The following RFX1 variants were observed in gnomAD, a reference collection of about 807,000 sequenced individuals.
RFX1 encodes MHC class II regulatory factor RFX1.
Under a neutral mutation model 119.6 loss-of-function variants are expected in RFX1, and 42 were observed. The observed-to-expected ratio is 0.35, with a 90% CI of 0.27 to 0.45. The LOEUF (loss-of-function observed/expected upper bound fraction) is 0.45, where lower values mean the gene tolerates loss of function less well. Among genes scored for constraint, RFX1 ranks in the 20% least tolerant of loss-of-function variants. The pLI, the probability that RFX1 is intolerant of heterozygous loss-of-function variation, is 1.00. For synonymous variants in RFX1, 628 were observed against 618.5 expected, an observed-to-expected ratio of 1.02 and a Z score of -0.23; for missense variants, 1,118 against 1,368.1, an observed-to-expected ratio of 0.82 and a Z score of 2.88.
In RFX1 at chr19:13,963,032, T is replaced by C. The variant is rs746451025; in HGVS notation, c.2732A>G (p.Asn911Ser). 20 of 1,560,378 alleles carry C rather than the reference T, an allele frequency of 1.3e-5. No homozygotes were observed. The highest frequency in any genetic ancestry group is 2.3e-5 in the South Asian group (2 of 85,704). The change falls in exon 20 of 21, where the codon AAT becomes AGT. Residue 911 changes from asparagine to serine, a missense_variant. Transcript: ENST00000254325. ...CAGGGGGTTCAGGGAGGTGGCCAGA[T>C]TGGCGAACTGGAGGAAGAAGAGAAG... Reference protein sequence around the residue: ...TPIAVMGEFANLATSLNPLDP... With the variant: ...TPIAVMGEFASLATSLNPLDP...
intron 2 of RFX1, among the ~76,000 whole-genome samples, chr19:13,989,253 G>C (rs1480224330): frequency 1.3e-5 from 2 of 152,128 alleles, no homozygotes; most frequent in African/African-American, 4.8e-5. Context: ...GGCTGGACCA[G>C]GTATGTGAGG....
rs1599513620 is a variant in RFX1 at position 13,993,638 on chromosome 19, C to T, written c.206G>A (p.Gly69Asp). 2.5e-6 allele frequency: 4 copies of T among 1,606,402 alleles called. No individual in the cohort carries two copies. The highest frequency in any genetic ancestry group is 4.5e-5 in the East Asian group (2 of 44,584). ...CTCCGTCACGTACTGCTTCTGGCCA[C>T]CCGGTGGCTGTGCCTGGGGCTGGGG... is the stretch of plus-strand genomic sequence containing the variant. Reference protein sequence around the residue: ...QSPQPQAQPPGGQKQYVTELP... With the variant: ...QSPQPQAQPPDGQKQYVTELP... The change falls in exon 2 of 21, where the codon GGT becomes GAT. Residue 69 changes from glycine (G) to aspartate (D), a missense_variant. Gly to Asp is a moderately conservative substitution (Grantham distance 94). Transcript: ENST00000254325.
At chr19:13,996,664 T>C (rs1025991854) in intron 1 of RFX1, among the ~76,000 whole-genome samples, 1 of 151,110 alleles carries the variant, frequency 6.6e-6, no homozygotes, top group African/African-American at 2.4e-5. Context: ...GACCCCCAGA[T>C]ACATTCTGTC....
At chr19:13,967,257 G>A (rs1294951471) in intron 12 of RFX1, among the ~76,000 whole-genome samples, 3 of 152,200 alleles carry the variant, frequency 2.0e-5, no homozygotes, top group African/African-American at 7.2e-5. Context: ...CAGGATCAAG[G>A]ATGTGTGGCT....
At chr19:13,994,895 T>TACATACATAC in intron 1 of RFX1, among the ~76,000 whole-genome samples, 1 of 11,872 alleles carries the variant, frequency 8.4e-5, no homozygotes, top group African/African-American at 3.2e-4. Flanking sequence ...TATACATACA[T>TACATACATAC]ATATATATAT....
At chr19:14,004,354 G>A (rs542227398) in intron 1 of RFX1, among the ~76,000 whole-genome samples, 24 of 152,204 alleles carry the variant, frequency 1.6e-4, no homozygotes, top group East Asian at 5.8e-4. Flanking sequence ...CTAAAAATAC[G>A]AAAATCAGCC....
In RFX1 at chr19:13,972,866, C is replaced by T. The variant is rs1191186719; in HGVS notation, c.1191G>A (p.Gly397=). ...GGGGGGGGGG[G]GGSGSTGGGG... ...CGCCTCCGGTGCTGCCACTGCCACCCCCGCCACCGCCTCCCCCGCCGCCGC... is the reference window on the plus strand; with the variant it reads ...CGCCTCCGGTGCTGCCACTGCCACCTCCGCCACCGCCTCCCCCGCCGCCGC... Residue 397 remains glycine (G), a synonymous_variant, in exon 9 of 21, where the codon GGG becomes GGA. Coordinates refer to ENST00000254325, the MANE Select transcript of RFX1 (RefSeq NM_002918.5). The T allele has an allele frequency of 6.4e-7, 1 of 1,556,012 alleles. No homozygotes were observed. Among genetic ancestry groups the T allele is most frequent in the East Asian group, 2.4e-5 (1 of 41,598 alleles).
At chr19:13,963,382 G>A in intron 18 of RFX1, 107 bp from the exon 19 acceptor site, 1 of 1,457,470 alleles carries the variant, frequency 6.9e-7, no homozygotes, top group South Asian at 1.3e-5. Flanking sequence ...AGTGACTCAG[G>A]CTGGATCCCG....
intron 1 of RFX1, among the ~76,000 whole-genome samples, chr19:14,002,805 G>A (rs1410612136): frequency 6.6e-6 from 1 of 152,198 alleles, no homozygotes; most frequent in East Asian, 1.9e-4. Flanking sequence ...CTGCGGGCGG[G>A]GCAGCCTGGC....
rs1358255042 is a variant in RFX1 at position 13,980,211 on chromosome 19, G to A, written c.738+362C>T. ...TGCAGAGGCTGGGTGTGGATTTGGGGGCTGGGTCCCCTCCCTGAAATCCTC... is the reference window on the plus strand; with the variant it reads ...TGCAGAGGCTGGGTGTGGATTTGGGAGCTGGGTCCCCTCCCTGAAATCCTC... On this transcript the variant is annotated intron_variant, in intron 6 of 20. Transcript: ENST00000254325. This position sits in a 1 kb window ranked among gnomAD's most constrained non-coding sequence, Gnocchi z 5.1. Among the ~76,000 whole-genome samples, 1 of 152,082 alleles carries A rather than the reference G, an allele frequency of 6.6e-6. No homozygotes were observed. Among genetic ancestry groups the A allele is most frequent in the East Asian group, 1.9e-4 (1 of 5,186 alleles).
At chr19:13,978,273 G>C (rs997774791) in intron 7 of RFX1, among the ~76,000 whole-genome samples, 187 bp from the exon 8 acceptor site, 1 of 151,950 alleles carries the variant, frequency 6.6e-6, no homozygotes, top group East Asian at 1.9e-4. Flanking sequence ...GCTGTGTCAG[G>C]AGAAGCCAGG....
In RFX1 at chr19:13,968,605, C is replaced by T. The variant is rs774252249; in HGVS notation, c.1692G>A (p.Ser564=). The stretch of plus-strand genomic sequence containing the variant: ...ACTGCTGCACCTGGGCGCTGATGTC[C>T]GACAGCCCCGTGCTCGGCTGCTGCC... The part of the protein sequence containing the change: ...AVGQQPSTGL[S]DISAQVQQYQ... Residue 564 remains serine, a synonymous_variant, in exon 12 of 21, where the codon TCG becomes TCA. Coordinates refer to ENST00000254325, the MANE Select transcript of RFX1 (RefSeq NM_002918.5). The surrounding 1 kb of genome is among the most constrained non-coding windows in gnomAD (Gnocchi z 5.5). The T allele has an allele frequency of 1.7e-5, 27 of 1,613,306 alleles. No homozygotes were observed. Among genetic ancestry groups the T allele is most frequent in the Non-Finnish European group, 2.1e-5 (25 of 1,179,974 alleles).
chr19:13,992,558 C>T (rs1009285637), intron 2 of RFX1, among the ~76,000 whole-genome samples: 16 of 152,216 alleles, frequency 1.1e-4, no homozygotes, highest in Admixed American at 6.5e-5. Context: ...AACAGGGCGG[C>T]TGCTCTAGGA....
In RFX1 at chr19:13,986,678, C is replaced by T. The variant is rs183957356; in HGVS notation, c.320-3083G>A. Among the ~76,000 whole-genome samples, 17 of 152,288 alleles carry T rather than the reference C, an allele frequency of 1.1e-4. No homozygotes were observed. Among genetic ancestry groups the T allele is most frequent in the Admixed American group, 7.2e-4 (11 of 15,304 alleles). The stretch of plus-strand genomic sequence containing the variant: ...AGGCCCCCACTGTCTCAGGAAACGG[C>T]GGCCGATTTCCTGTCTCTGAATCTG... On this transcript the variant is annotated intron_variant, in intron 2 of 20. Transcript: ENST00000254325. The surrounding 1 kb of genome is among the most constrained non-coding windows in gnomAD (Gnocchi z 4.2).
At chr19:13,993,159 G>A (rs1250237281) in intron 2 of RFX1, among the ~76,000 whole-genome samples, 1 of 152,100 alleles carries the variant, frequency 6.6e-6, no homozygotes, top group Non-Finnish European at 1.5e-5. Flanking sequence ...GCCAGGCATG[G>A]TGGTGGGCAC....
chr19:14,004,507 CA>C (rs373244400), intron 1 of RFX1, among the ~76,000 whole-genome samples: 4 of 146,184 alleles, frequency 2.7e-5, no homozygotes, highest in Non-Finnish European at 3.0e-5. Context: ...ACTCCGTCTC[CA>C]AAAAAAAAAG....
chr19:13,995,195 G>A (rs1423905580), intron 1 of RFX1, among the ~76,000 whole-genome samples: 1 of 151,852 alleles, frequency 6.6e-6, no homozygotes, highest in Non-Finnish European at 1.5e-5. Context: ...TGGTGGCAGG[G>A]CTGCATTTGA....
chr19:13,972,625 T>C (rs539867007), intron 9 of RFX1, 118 bp downstream of exon 9: 77 of 719,850 alleles, frequency 1.1e-4, no homozygotes, highest in Admixed American at 9.5e-4. Flanking sequence ...GTTCTCTTCA[T>C]TGGGGGCCAC....
chr19:13,966,494 G>A lies in RFX1; in HGVS notation c.1888C>T (p.Leu630=), dbSNP rs1973901946. ...VDVMVNLQFT[L]VETLWKTFWR... ...AAGGTCTTCCACAGCGTCTCCACCA[G>A]GGTGAACTGCAGGTTCACCATGACG... Residue 630 remains leucine (L), a synonymous_variant, in exon 14 of 21, where the codon CTG becomes TTG. Transcript: ENST00000254325. This position sits in a 1 kb window ranked among gnomAD's most constrained non-coding sequence, Gnocchi z 6.3. 3 of 1,591,966 alleles carry A rather than the reference G, an allele frequency of 1.9e-6. No individual in the cohort carries two copies. The highest frequency in any genetic ancestry group is 2.2e-5 in the South Asian group (2 of 89,256).
Sources: allele counts gnomAD v4.1 joint callset (sites outside exome capture counted in the v4.1 genomes callset), GRCh38; gene constraint gnomAD v4.1.1; non-coding constraint Gnocchi (gnomAD v3.1); transcripts MANE v1.5; gene names NCBI Gene and HGNC (gene_info 2026-07-23, HGNC 2026-07-21).